NELL1: variants seen among roughly 807,000 people sequenced by gnomAD.
NELL1 encodes protein kinase C-binding protein NELL1.
Under a neutral mutation model 107.4 loss-of-function variants are expected in NELL1, and 76 were observed. The ratio of observed to expected loss-of-function variants is 0.71; its 90% CI spans 0.59 to 0.86. NELL1 has a LOEUF of 0.86. Ranked by LOEUF, NELL1 falls within the 40% of genes least tolerant of loss-of-function variation. The pLI is 0.00. For missense variants in NELL1, 1,024 were observed against 1,005.5 expected (o/e 1.02, Z -0.25); for synonymous variants, 353 against 341.2 (o/e 1.03, Z -0.38).
At chr11:21,397,200 C>A (rs4539321) in intron 15 of NELL1, among the ~76,000 whole-genome samples, 73,271 of 151,310 alleles carry the variant, frequency 0.48, 18,673 homozygotes, top group East Asian at 0.61. Context: ...ACTATGCTAA[C>A]TTTTTATTGC....
At chr11:21,386,009 C>T (rs971882798) in intron 15 of NELL1, among the ~76,000 whole-genome samples, 1 of 151,806 alleles carries the variant, frequency 6.6e-6, no homozygotes, top group Non-Finnish European at 1.5e-5. Flanking sequence ...AGACTCCTTG[C>T]TCAAGATTAG....
intron 14 of NELL1, chr11:21,284,866 T>C (rs1849081324): frequency 6.7e-6 from 2 of 297,132 alleles, no homozygotes; most frequent in Non-Finnish European, 1.3e-5. Flanking sequence ...AACAAAAGTG[T>C]CCACACTGCA....
chr11:20,786,398 A>G (rs990248785), intron 3 of NELL1, among the ~76,000 whole-genome samples: 3 of 151,808 alleles, frequency 2.0e-5, no homozygotes, highest in African/African-American at 7.3e-5. Flanking sequence ...AACCGTGTAC[A>G]GGGGTTGAAT....
intron 2 of NELL1, chr11:20,773,439 CAG>C (rs1856678894): frequency 6.6e-6 from 1 of 151,632 alleles, no homozygotes; most frequent in African/African-American, 2.4e-5. Flanking sequence ...AGCTGAGGCA[CAG>C]AGAGATTAAA....
At chr11:20,984,007 C>T (rs1287487127) in intron 12 of NELL1, among the ~76,000 whole-genome samples, 2 of 152,166 alleles carry the variant, frequency 1.3e-5, no homozygotes, top group Non-Finnish European at 2.9e-5. Flanking sequence ...TCTTCCCCTA[C>T]TCCTTACTAG....
At chr11:20,970,052 T>TGTCCGTCCGTCC (rs749864089) in intron 12 of NELL1, among the ~76,000 whole-genome samples, 23 of 137,844 alleles carry the variant, frequency 1.7e-4, no homozygotes, top group Admixed American at 3.8e-4. Context: ...TCTATCTCTC[T>TGTCCGTCCGTCC]GTCCATCCAT....
intron 15 of NELL1, among the ~76,000 whole-genome samples, chr11:21,463,352 C>T (rs184610130): frequency 6.6e-6 from 1 of 152,152 alleles, no homozygotes; most frequent in Non-Finnish European, 1.5e-5. Flanking sequence ...AATATTCGAC[C>T]ATATTGAACT....
At chr11:20,882,552 T>C (rs896499667) in intron 4 of NELL1, among the ~76,000 whole-genome samples, 1 of 152,208 alleles carries the variant, frequency 6.6e-6, no homozygotes, top group Non-Finnish European at 1.5e-5. Context: ...TACTTATATA[T>C]ACAAACAGTA....
chr11:20,923,977 T>C (rs1193373976), intron 7 of NELL1, among the ~76,000 whole-genome samples: 1 of 152,210 alleles, frequency 6.6e-6, no homozygotes, highest in Non-Finnish European at 1.5e-5. Flanking sequence ...GCCTCTGCTG[T>C]CTATCTTTCA....
At chr11:21,082,146 G>A (rs1222538624) in intron 12 of NELL1, among the ~76,000 whole-genome samples, 3 of 151,992 alleles carry the variant, frequency 2.0e-5, no homozygotes, top group Non-Finnish European at 4.4e-5. Flanking sequence ...CCTGGCACTC[G>A]GCATCAAAGG....
At chr11:21,285,591 A>G (rs1229886288) in intron 14 of NELL1, among the ~76,000 whole-genome samples, 1 of 152,184 alleles carries the variant, frequency 6.6e-6, no homozygotes, top group Non-Finnish European at 1.5e-5. Context: ...ATTTTTAGGC[A>G]CTGCAGCTCT....
At chr11:21,039,442 T>G (rs1853174421) in intron 12 of NELL1, among the ~76,000 whole-genome samples, 1 of 152,126 alleles carries the variant, frequency 6.6e-6, no homozygotes, top group South Asian at 2.1e-4. Context: ...TGCCTTGGCC[T>G]CCCAAAGTGC....
chr11:20,852,393 G>T (rs1012090336), intron 4 of NELL1, among the ~76,000 whole-genome samples: 1 of 152,188 alleles, frequency 6.6e-6, no homozygotes, highest in African/African-American at 2.4e-5. Flanking sequence ...CAATGAATGA[G>T]TCAGTAATTT....
chr11:20,847,469 C>T, intron 3 of NELL1, 114 bp from the exon 4 acceptor site: 1 of 1,099,690 alleles, frequency 9.1e-7, no homozygotes, highest in Non-Finnish European at 1.3e-6. Flanking sequence ...CTCTTTGTGC[C>T]ATGTTTAGCT....
chr11:20,954,465 C>T (rs117113138), intron 11 of NELL1, among the ~76,000 whole-genome samples: 273 of 152,280 alleles, frequency 1.8e-3, no homozygotes, highest in Non-Finnish European at 3.6e-3. Context: ...CTGCTCACAT[C>T]TGACTTAACA....
intron 12 of NELL1, among the ~76,000 whole-genome samples, chr11:21,029,093 T>G (rs897822171): frequency 2.0e-5 from 3 of 152,182 alleles, no homozygotes; most frequent in African/African-American, 7.2e-5. Context: ...AGTACACAGA[T>G]TTTTGCTTCT....
chr11:21,303,632 A>G (rs1349442140), intron 14 of NELL1, among the ~76,000 whole-genome samples: 7 of 152,072 alleles, frequency 4.6e-5, no homozygotes, highest in African/African-American at 7.2e-5. Flanking sequence ...TAGAACTACC[A>G]TTCTATTCAG....
intron 10 of NELL1, among the ~76,000 whole-genome samples, chr11:20,938,117 CTGT>C (rs1171728156): frequency 6.6e-6 from 1 of 151,982 alleles, no homozygotes; most frequent in Admixed American, 6.5e-5. Flanking sequence ...GAACTAACAG[CTGT>C]TATTAGTTAG....
chr11:20,770,231 T>C (rs544978597), intron 2 of NELL1, among the ~76,000 whole-genome samples: 30 of 152,298 alleles, frequency 2.0e-4, no homozygotes, highest in Non-Finnish European at 3.7e-4. Flanking sequence ...TGCAGCCAGA[T>C]AGCAACAGGC....
Sources: allele counts gnomAD v4.1 joint callset (sites outside exome capture counted in the v4.1 genomes callset), GRCh38; gene constraint gnomAD v4.1.1; transcripts MANE v1.5; gene names NCBI Gene and HGNC (gene_info 2026-07-23, HGNC 2026-07-21).